The following OCA2 variants were observed in gnomAD, a reference collection of about 807,000 sequenced individuals.
OCA2 encodes the protein P protein.
In OCA2, 77 loss-of-function variants were observed where a neutral mutation model predicts 100.2. The observed-to-expected ratio is 0.77, with a 90% confidence interval of 0.64 to 0.93. The LOEUF (loss-of-function observed/expected upper bound fraction) is 0.93, where lower values mean the gene tolerates loss of function less well. OCA2 is among the 40% of genes least tolerant of loss of function. The pLI is 0.00. For synonymous variants in OCA2, 432 were observed against 439.2 expected (o/e 0.98, Z 0.21); for missense variants, 1,062 against 1,089.1 (o/e 0.98, Z 0.35).
intron 18 of OCA2, among the ~76,000 whole-genome samples, chr15:27,937,619 T>C (rs999659477): frequency 1.3e-5 from 2 of 152,216 alleles, no homozygotes; most frequent in African/African-American, 4.8e-5. Flanking sequence ...TGGCATCTCG[T>C]TGTGGTTAAA....
intron 1 of OCA2, among the ~76,000 whole-genome samples, chr15:28,095,012 C>T (rs550980830): frequency 6.6e-6 from 1 of 152,380 alleles, no homozygotes; most frequent in Non-Finnish European, 1.5e-5. Context: ...GTCACCTGCT[C>T]GGCCCAAGAA....
intron 9 of OCA2, among the ~76,000 whole-genome samples, chr15:28,011,530 G>GAA (rs112437786): frequency 7.2e-6 from 1 of 139,036 alleles, no homozygotes; most frequent in Non-Finnish European, 1.6e-5. Context: ...AAGTAAAACT[G>GAA]AAAAAAAAAA....
chr15:28,028,096 A>G, intron 3 of OCA2, 37 bp from the exon 4 acceptor site: 1 of 1,609,170 alleles, frequency 6.2e-7, no homozygotes, highest in Non-Finnish European at 8.5e-7. Flanking sequence ...CTCTCCTGAA[A>G]TAGTAATGGC....
At chr15:27,741,983 G>A in the OCA2 span, among the ~76,000 whole-genome samples, 1 of 149,178 alleles carries the variant, frequency 6.7e-6, no homozygotes, top group East Asian at 1.9e-4. Context: ...ATTTAGACAA[G>A]GATTTAAACA....
chr15:27,769,498 C>G (rs2031545894), intron 23 of OCA2, among the ~76,000 whole-genome samples: 2 of 152,072 alleles, frequency 1.3e-5, no homozygotes, highest in African/African-American at 4.8e-5. Context: ...AACCATTCTT[C>G]CTGTTTATGT....
At chr15:27,934,761 C>T (rs539866311) in intron 18 of OCA2, among the ~76,000 whole-genome samples, 3 of 152,320 alleles carry the variant, frequency 2.0e-5, no homozygotes, top group African/African-American at 7.2e-5. Flanking sequence ...TGCTATAGCA[C>T]TCATCCATCC....
intron 1 of OCA2, among the ~76,000 whole-genome samples, chr15:28,093,357 A>T (rs2044903993): frequency 6.6e-6 from 1 of 151,746 alleles, no homozygotes; most frequent in African/African-American, 2.4e-5. Context: ...AGGAGGTGGA[A>T]GTTGCAGTGA....
intron 23 of OCA2, among the ~76,000 whole-genome samples, chr15:27,780,082 A>G (rs7182123): frequency 0.012 from 1,839 of 152,308 alleles, 47 homozygotes; most frequent in African/African-American, 0.042. Context: ...CTGAAAGCAG[A>G]GTTCTCTCAA....
At chr15:28,083,265 C>G (rs1306664304) in intron 1 of OCA2, among the ~76,000 whole-genome samples, 1 of 152,138 alleles carries the variant, frequency 6.6e-6, no homozygotes, top group Non-Finnish European at 1.5e-5. Flanking sequence ...ACTGACAGCC[C>G]CAGACGCACA....
chr15:27,905,476 G>A (rs1001430230), intron 19 of OCA2, among the ~76,000 whole-genome samples: 1 of 152,226 alleles, frequency 6.6e-6, no homozygotes, highest in Non-Finnish European at 1.5e-5. Flanking sequence ...GTGCTGAGGT[G>A]ATCAGAAGGT....
intron 19 of OCA2, among the ~76,000 whole-genome samples, chr15:27,884,093 A>G (rs1476839240): frequency 6.6e-6 from 1 of 152,256 alleles, no homozygotes; most frequent in Admixed American, 6.5e-5. Context: ...ATTTAAAAAT[A>G]AAAATGTGCC....
chr15:27,930,645 G>C (rs1194791427), intron 18 of OCA2, among the ~76,000 whole-genome samples: 1 of 151,540 alleles, frequency 6.6e-6, no homozygotes, highest in Admixed American at 6.6e-5. Flanking sequence ...TTATGGAAAA[G>C]CTTGCCAACT....
intron 1 of OCA2, among the ~76,000 whole-genome samples, chr15:28,089,092 C>T (rs1052390584): frequency 1.3e-5 from 2 of 152,192 alleles, no homozygotes; most frequent in South Asian, 2.1e-4. Context: ...AAGAATTCAG[C>T]GATATTTCTC....
Position 28,096,321 on chromosome 15 carries a change from C to A in OCA2, c.-22+2903G>T, listed in dbSNP as rs553280475. 8.9e-4 allele frequency among the ~76,000 whole-genome samples: 136 copies of A among 152,074 alleles called. 1 individual carries two copies. Among genetic ancestry groups the A allele is most frequent in the African/African-American group, 3.2e-3 (132 of 41,492 alleles). ...CGAGGTGTGGTCGTGTCTCCGGGGG[C>A]GTGGCTTTTCGTTGGAGGTGGTCTG... On this transcript the variant is annotated intron_variant, in intron 1 of 23. Transcript: ENST00000354638.
At chr15:28,054,883 G>A (rs1199650222) in intron 2 of OCA2, among the ~76,000 whole-genome samples, 2 of 152,150 alleles carry the variant, frequency 1.3e-5, no homozygotes, top group African/African-American at 4.8e-5. Context: ...TTCTTCACGT[G>A]GTGGGAGGAG....
At position 28,086,394 on chromosome 15, in the gene OCA2, C is replaced by G. The variant is rs552366073; in HGVS notation, c.-21-4499G>C. 2.6e-5 allele frequency among the ~76,000 whole-genome samples: 4 copies of G among 152,336 alleles called. No individual in the cohort carries two copies. In the South Asian group the frequency reaches 8.3e-4, roughly 32 times the overall value. Reference sequence around the variant, plus strand: ...AGGCAGAGGTCCCACAACCACCCAGCAATAAGGTGGAATCCTTCCCCATCT... The same window carrying G: ...AGGCAGAGGTCCCACAACCACCCAGGAATAAGGTGGAATCCTTCCCCATCT... On this transcript the variant is annotated intron_variant, in intron 1 of 23. Transcript: ENST00000354638.
intron 2 of OCA2, among the ~76,000 whole-genome samples, chr15:28,063,866 C>A (rs555953411): frequency 1.3e-5 from 2 of 152,222 alleles, no homozygotes; most frequent in Admixed American, 1.3e-4. Flanking sequence ...TTATGTTTTC[C>A]TATACAGATT....
intron 23 of OCA2, among the ~76,000 whole-genome samples, chr15:27,818,090 T>C (rs1175395189): frequency 6.6e-6 from 1 of 152,234 alleles, no homozygotes; most frequent in Non-Finnish European, 1.5e-5. Flanking sequence ...ACTAGAATAC[T>C]TTTTAAAATA....
chr15:27,735,098 A>G, the OCA2 span, among the ~76,000 whole-genome samples: 205 of 151,830 alleles, frequency 1.4e-3, no homozygotes, highest in African/African-American at 4.0e-3. Flanking sequence ...AATACAGGAG[A>G]AAAAAAAATC....
Sources: allele counts gnomAD v4.1 joint callset (sites outside exome capture counted in the v4.1 genomes callset), GRCh38; gene constraint gnomAD v4.1.1; transcripts MANE v1.5; gene names NCBI Gene and HGNC (gene_info 2026-07-23, HGNC 2026-07-21).